Variants in GALNT15 observed in about 807,000 individuals in gnomAD.
GALNT15 encodes the protein polypeptide N-acetylgalactosaminyltransferase 15, also known as UDP-GalNAc transferase T15.
GALNT15 carries 67 observed loss-of-function variants against 66.8 expected under a neutral mutation model. That is an observed-to-expected ratio of 1.00 (90% CI 0.82 to 1.23). The LOEUF (loss-of-function observed/expected upper bound fraction) is 1.23, where lower values mean the gene tolerates loss of function less well. GALNT15 is among the 50% of genes most tolerant of loss of function. The pLI, the probability that GALNT15 is intolerant of heterozygous loss-of-function variation, is 0.00. For synonymous variants in GALNT15, 313 were observed against 311.5 expected, an observed-to-expected ratio of 1.00 and a Z score of -0.05; for missense variants, 827 against 804.3, an observed-to-expected ratio of 1.03 and a Z score of -0.34.
chr3:16,193,358 C>G lies in GALNT15; in HGVS notation c.540-2402C>G, dbSNP rs1484453694. Among the ~76,000 whole-genome samples the G allele has an allele frequency of 6.6e-6, 1 of 152,126 alleles. No individual in the cohort carries two copies. Among genetic ancestry groups the G allele is most frequent in the African/African-American group, 2.4e-5 (1 of 41,428 alleles). ...TTTACTTATATTCCTCAGCTCCTGA[C>G]TTTTCTTCCTTATTTTTATTTTACC... is the stretch of plus-strand genomic sequence containing the variant. On this transcript the variant is annotated intron_variant, in intron 1 of 9. Transcript: ENST00000339732. This position sits in a 1 kb window ranked among gnomAD's most constrained non-coding sequence, Gnocchi z 4.7.
In GALNT15 at chr3:16,184,393, G is replaced by C. The variant is rs1025652895; in HGVS notation, c.539+8703G>C. Among the ~76,000 whole-genome samples the C allele has an allele frequency of 1.3e-5, 2 of 152,178 alleles. No homozygotes were observed. The highest frequency in any genetic ancestry group is 2.9e-5 in the Non-Finnish European group (2 of 68,034). ...TCATTGGTTGGCTCAGCAATGCTAT[G>C]AATGTCTTTCCTTCAGTTCCTGGTA... On this transcript the variant is annotated intron_variant, in intron 1 of 9. Coordinates refer to ENST00000339732, the MANE Select transcript of GALNT15 (RefSeq NM_054110.5). The surrounding 1 kb of genome is among the most constrained non-coding windows in gnomAD (Gnocchi z 5.0).
rs372818635 is a variant in GALNT15, at chr3:16,210,978, T to C, written c.1080-146T>C. 6.6e-6 allele frequency: 4 copies of C among 607,948 alleles called. No homozygotes were observed. The Admixed American group carries it at 8.6e-5, about 13-fold the overall frequency. The allele number at this position is 607,948 out of a possible 1,614,324, so 37.7% of individuals were successfully genotyped here. On this transcript the variant is annotated intron_variant, in intron 4 of 9. Transcript: ENST00000339732. ...CTGACATCGTGGCTCTGCTCCAGTC[T>C]TGCAATTAAAAAATTGCATTTTACC... is the stretch of plus-strand genomic sequence containing the variant.
Position 16,195,972 on chromosome 3 carries a change from C to G in GALNT15, c.706+46C>G. ...GGCTCGTCTGGGTGAGCCTTACCCC[C>G]TGGCGGGTGGAGTTCTCAAGCAAAA... On this transcript the variant is annotated intron_variant, in intron 2 of 9. Coordinates refer to ENST00000339732, the MANE Select transcript of GALNT15 (RefSeq NM_054110.5). This position sits in a 1 kb window ranked among gnomAD's most constrained non-coding sequence, Gnocchi z 4.6. 6.3e-7 allele frequency: 1 copy of G among 1,594,760 alleles called. No homozygotes were observed. Among genetic ancestry groups the G allele is most frequent in the Non-Finnish European group, 8.6e-7 (1 of 1,166,414 alleles).
the GALNT15 span, among the ~76,000 whole-genome samples, chr3:16,243,180 G>A: frequency 2.0e-5 from 3 of 152,218 alleles, no homozygotes; most frequent in Admixed American, 2.0e-4. Flanking sequence ...AGCAGACCAG[G>A]CTCCCAAGGC....
In GALNT15 at chr3:16,209,807, G is replaced by A. The variant is rs143896432; in HGVS notation, c.1079+1137G>A. 3.6e-3 allele frequency among the ~76,000 whole-genome samples: 546 copies of A among 152,330 alleles called. 5 individuals are homozygous for A. Among genetic ancestry groups the A allele is most frequent in the African/African-American group, 0.011 (441 of 41,578 alleles). ...ACTGCACTCTAGCCTGGGTGACAGA[G>A]CAAGATTCTGTCTCAAAAACAAAAA... On this transcript the variant is annotated intron_variant, in intron 4 of 9. Transcript: ENST00000339732. The surrounding 1 kb of genome is among the most constrained non-coding windows in gnomAD (Gnocchi z 4.1).
intron 1 of GALNT15, among the ~76,000 whole-genome samples, chr3:16,192,334 C>A (rs1322803832): frequency 6.6e-6 from 1 of 152,214 alleles, no homozygotes; most frequent in Non-Finnish European, 1.5e-5. Context: ...TTGGAGCAGA[C>A]AGGACTGACT....
At position 16,192,569 on chromosome 3, in the gene GALNT15, C is replaced by T. The variant is rs375496462; in HGVS notation, c.540-3191C>T. On this transcript the variant is annotated intron_variant, in intron 1 of 9. Coordinates refer to ENST00000339732, the MANE Select transcript of GALNT15 (RefSeq NM_054110.5). ...CTGGGTTTACCCAAATGCATGGCCA[C>T]AAAAGAAGTGGAGAGGATATGAGGA... Among the ~76,000 whole-genome samples the T allele has an allele frequency of 1.4e-4, 22 of 152,210 alleles. No homozygotes were observed. The East Asian group carries it at 3.5e-3, about 24-fold the overall frequency.
At position 16,203,486 on chromosome 3, in the gene GALNT15, C is replaced by T. The variant is rs1054198895; in HGVS notation, c.911+2663C>T. On this transcript the variant is annotated intron_variant, in intron 3 of 9. Transcript: ENST00000339732. The surrounding 1 kb of genome is among the most constrained non-coding windows in gnomAD (Gnocchi z 6.2). ...TGTCTCTGCCTCTCTACCTCTCTCA[C>T]GGTCTTTGTCTCTCTCTGTCTCTTG... Among the ~76,000 whole-genome samples, 4 of 151,606 alleles carry T rather than the reference C, an allele frequency of 2.6e-5. No individual in the cohort carries two copies. The highest frequency in any genetic ancestry group is 4.4e-5 in the Non-Finnish European group (3 of 67,950).
At chr3:16,210,392 C>A (rs940280479) in intron 4 of GALNT15, among the ~76,000 whole-genome samples, 2 of 152,114 alleles carry the variant, frequency 1.3e-5, no homozygotes, top group South Asian at 4.1e-4. Flanking sequence ...ATTACTATTT[C>A]TTTGGTAATT....
the GALNT15 span, among the ~76,000 whole-genome samples, chr3:16,238,398 T>G: frequency 6.6e-6 from 1 of 152,112 alleles, no homozygotes; most frequent in African/African-American, 2.4e-5. This position sits in a 1 kb window ranked among gnomAD's most constrained non-coding sequence, Gnocchi z 4.8. Context: ...AGTAATAACA[T>G]TACCATTGTT....
In GALNT15 at chr3:16,196,049, G is replaced by A. The variant is rs1007941770; in HGVS notation, c.706+123G>A. ...AAGATTCCCCAACTACAGACCTCCA[G>A]ATGAGGATTAATGGGCAAGTAACTT... On this transcript the variant is annotated intron_variant, in intron 2 of 9. Transcript: ENST00000339732. 2.7e-5 allele frequency: 26 copies of A among 957,850 alleles called. No individual in the cohort carries two copies. In the African/African-American group the frequency reaches 4.1e-4, roughly 15 times the overall value. The allele number at this position is 957,850 out of a possible 1,614,324, so 59.3% of individuals were successfully genotyped here.
chr3:16,194,766 T>C (rs2063615106), intron 1 of GALNT15, among the ~76,000 whole-genome samples: 1 of 151,816 alleles, frequency 6.6e-6, no homozygotes, highest in Non-Finnish European at 1.5e-5. Context: ...CACTTATAAG[T>C]GGGAGCTGAA....
rs1166653126 is a variant in GALNT15, at chr3:16,186,506, G to C, written c.540-9254G>C. On this transcript the variant is annotated intron_variant, in intron 1 of 9. Transcript: ENST00000339732. This position sits in a 1 kb window ranked among gnomAD's most constrained non-coding sequence, Gnocchi z 5.1. ...TACATGAATATTCATAGTGGCATTAGTCATAATATAAGTCAAAATAGGAGC... is the reference window on the plus strand; with the variant it reads ...TACATGAATATTCATAGTGGCATTACTCATAATATAAGTCAAAATAGGAGC... Among the ~76,000 whole-genome samples the C allele has an allele frequency of 6.6e-6, 1 of 152,210 alleles. No homozygotes were observed. The highest frequency in any genetic ancestry group is 1.5e-5 in the Non-Finnish European group (1 of 68,048).
chr3:16,214,642 G>A (rs773684904), intron 6 of GALNT15, among the ~76,000 whole-genome samples: 8 of 152,176 alleles, frequency 5.3e-5, no homozygotes, highest in Non-Finnish European at 1.0e-4. Context: ...TGCTTATCAG[G>A]TTCTTGGTGG....
In GALNT15 at chr3:16,219,839, A is replaced by G; in HGVS notation, c.1525-71A>G. The G allele has an allele frequency of 8.0e-7, 1 of 1,244,626 alleles. No individual in the cohort carries two copies. Among genetic ancestry groups the G allele is most frequent in the South Asian group, 1.2e-5 (1 of 82,830 alleles). The allele number at this position is 1,244,626 out of a possible 1,614,324, so 77.1% of individuals were successfully genotyped here. A position where few individuals can be genotyped will look rare whatever the true frequency, so the allele number is the denominator to read the frequency against. On this transcript the variant is annotated intron_variant, in intron 7 of 9. Coordinates refer to ENST00000339732, the MANE Select transcript of GALNT15 (RefSeq NM_054110.5). This position sits in a 1 kb window ranked among gnomAD's most constrained non-coding sequence, Gnocchi z 4.3. The stretch of plus-strand genomic sequence containing the variant: ...TGCACTCCAGAGAATACAGCAAAGG[A>G]ATGGTGTCTGACCGAGGGTGTCTTT...
chr3:16,194,307 A>G (rs1020217629), intron 1 of GALNT15, among the ~76,000 whole-genome samples: 1 of 152,228 alleles, frequency 6.6e-6, no homozygotes. Context: ...TTCTTCCATA[A>G]AAATAATAAG....
intron 6 of GALNT15, among the ~76,000 whole-genome samples, chr3:16,213,021 ATCCC>A (rs1018285127): frequency 6.6e-6 from 1 of 152,074 alleles, no homozygotes; most frequent in Non-Finnish European, 1.5e-5. Flanking sequence ...ATGGGATGGG[ATCCC>A]TCACCTGGGG....
Position 16,179,298 on chromosome 3 carries a change from G to C in GALNT15, c.539+3608G>C, listed in dbSNP as rs574931911. Among the ~76,000 whole-genome samples, 5 of 152,246 alleles carry C rather than the reference G, an allele frequency of 3.3e-5. No individual in the cohort carries two copies. The East Asian group carries it at 5.8e-4, about 18-fold the overall frequency. On this transcript the variant is annotated intron_variant, in intron 1 of 9. Transcript: ENST00000339732. ...AGAAAGATGGAGGGACTGGTGCCAGGTTATCTGACCAGGTGAGTCTGACAC... is the reference window on the plus strand; with the variant it reads ...AGAAAGATGGAGGGACTGGTGCCAGCTTATCTGACCAGGTGAGTCTGACAC...
rs2064060545 is a variant in GALNT15, at chr3:16,229,492, A to T, written c.*1992A>T. 1.0e-6 allele frequency: 1 copy of T among 984,346 alleles called. No individual in the cohort carries two copies. Among genetic ancestry groups the T allele is most frequent in the South Asian group, 4.7e-5 (1 of 21,272 alleles). The allele number at this position is 984,346 out of a possible 1,614,324, so 61.0% of individuals were successfully genotyped here. A position where few individuals can be genotyped will look rare whatever the true frequency, so the allele number is the denominator to read the frequency against. On this transcript the variant is annotated 3_prime_UTR_variant, in exon 10 of 10. Transcript: ENST00000339732. The stretch of plus-strand genomic sequence containing the variant: ...CCAATCTAGATAGATTCATTATCCC[A>T]TCTAGAGAAGAGACTTTAGTCACTG...
Sources: gnomAD v4.1 joint callset for allele counts (sites outside exome capture counted in the v4.1 genomes callset) on GRCh38, gnomAD v4.1.1 for gene constraint, Gnocchi (gnomAD v3.1) non-coding constraint, MANE v1.5 for transcripts, NCBI Gene and HGNC (gene_info 2026-07-23, HGNC 2026-07-21) for gene names.